The following PCDH11X variants were observed in gnomAD, a reference collection of about 807,000 sequenced individuals.
The protein encoded by PCDH11X is protocadherin-11 X-linked.
In PCDH11X, 18 loss-of-function variants were observed where a neutral mutation model predicts 53.3. The ratio of observed to expected loss-of-function variants is 0.34; its 90% confidence interval spans 0.23 to 0.50. PCDH11X has a LOEUF of 0.50. Ranked by LOEUF, PCDH11X falls within the 20% of genes least tolerant of loss-of-function variation. The probability of loss-of-function intolerance (pLI) is 0.98; values close to 1 mark genes in which losing one functional copy is unlikely to be tolerated. For missense variants in PCDH11X, 570 were observed against 1,032.4 expected, an observed-to-expected ratio of 0.55 and a Z score of 6.14; for synonymous variants, 279 against 393.3, an observed-to-expected ratio of 0.71 and a Z score of 3.44.
At chrX:92,268,372 A>G (rs1344910977) in intron 8 of PCDH11X, among the ~76,000 whole-genome samples, 1 of 110,083 alleles carries the variant, frequency 9.1e-6, no homozygotes, top group Non-Finnish European at 1.9e-5. Context: ...GCTCACTGCA[A>G]CCTCTGCCTC....
chrX:92,043,757 T>C (rs1443361221), intron 6 of PCDH11X, among the ~76,000 whole-genome samples: 1 of 109,651 alleles, frequency 9.1e-6, no homozygotes, highest in Non-Finnish European at 1.9e-5. Flanking sequence ...AATCCTAATA[T>C]AAAATTTTAA....
chrX:91,903,647 C>T (rs924812394), intron 6 of PCDH11X, among the ~76,000 whole-genome samples: 48 of 81,702 alleles, frequency 5.9e-4, no homozygotes, highest in African/African-American at 2.3e-3. Context: ...GCTCAGGTTC[C>T]TCTATGTGCG....
chrX:91,793,400 T>C (rs1229615780), intron 1 of PCDH11X, among the ~76,000 whole-genome samples: 1 of 110,803 alleles, frequency 9.0e-6, no homozygotes, highest in Non-Finnish European at 1.9e-5. Context: ...TTTAAATTTG[T>C]ACTACAAAGT....
At chrX:92,232,946 A>T (rs908887560) in intron 7 of PCDH11X, among the ~76,000 whole-genome samples, 1 of 110,271 alleles carries the variant, frequency 9.1e-6, no homozygotes, top group Non-Finnish European at 1.9e-5. Flanking sequence ...CCATCTCCCG[A>T]CCTCCTGATC....
intron 6 of PCDH11X, among the ~76,000 whole-genome samples, chrX:92,178,918 T>G (rs2065951667): frequency 8.9e-6 from 1 of 112,197 alleles, no homozygotes; most frequent in Non-Finnish European, 1.9e-5. Context: ...GACAAGGACA[T>G]TATTCACTGT....
At position 92,401,800 on chromosome X, in the gene PCDH11X, T is replaced by C. The variant is rs766240000; in HGVS notation, c.3343+13867T>C. On this transcript the variant is annotated intron_variant, in intron 9 of 10. Transcript: ENST00000682573. ...ACATGAGGGTTCTGGAAGCAATAAT[T>C]TGAAGTTTTGAAAAATTACTATGGA... 2.7e-5 allele frequency among the ~76,000 whole-genome samples: 3 copies of C among 112,256 alleles called. No individual in the cohort carries two copies. In the East Asian group the frequency reaches 8.4e-4, roughly 31 times the overall value.
chrX:92,506,449 G>T (rs749879634), intron 10 of PCDH11X, among the ~76,000 whole-genome samples: 1 of 99,729 alleles, frequency 1.0e-5, no homozygotes. Context: ...TAATATGAAG[G>T]GATGTTTAAT....
rs2065213376 is a variant in PCDH11X, at chrX:92,143,046, G to A, written c.3034-58329G>A. Among the ~76,000 whole-genome samples, 3 of 111,549 alleles carry A rather than the reference G, an allele frequency of 2.7e-5. No individual in the cohort carries two copies. The South Asian group carries it at 1.1e-3, about 42-fold the overall frequency. On this transcript the variant is annotated intron_variant, in intron 6 of 10. Transcript: ENST00000682573. ...AATCCTAGCATTTTGGGAGGCTAAG[G>A]TGGGAGGATTGCTTTGGCCCAGAAG...
chrX:92,268,011 G>A (rs1287556542), intron 8 of PCDH11X, among the ~76,000 whole-genome samples: 1 of 111,927 alleles, frequency 8.9e-6, no homozygotes, highest in Admixed American at 9.4e-5. Context: ...TGTGAATTTG[G>A]GGATTACATT....
chrX:91,835,651 G>A lies in PCDH11X; in HGVS notation c.147G>A (p.Leu49=), dbSNP rs745929217. ...GCGACTTGTTGAAAGACCTTAACTTGTCGCTGATTCCAAACAAGTCCTTGA... is the reference window on the plus strand; with the variant it reads ...GCGACTTGTTGAAAGACCTTAACTTATCGCTGATTCCAAACAAGTCCTTGA... The part of the protein sequence containing the change: ...LIGDLLKDLN[L]SLIPNKSLTT... The change falls in exon 5 of 11, where the codon TTG becomes TTA. Residue 49 remains leucine, a synonymous_variant. Transcript: ENST00000682573. The A allele has an allele frequency of 1.2e-5, 14 of 1,208,911 alleles. No individual in the cohort carries two copies. Among genetic ancestry groups the A allele is most frequent in the Non-Finnish European group, 1.6e-5 (14 of 895,093 alleles).
At chrX:92,126,181 G>T (rs2064858184) in intron 6 of PCDH11X, among the ~76,000 whole-genome samples, 1 of 111,306 alleles carries the variant, frequency 9.0e-6, no homozygotes, top group East Asian at 2.8e-4. Flanking sequence ...TTTCTGATTA[G>T]TTCAAGACAG....
rs772622374 is a variant in PCDH11X at position 92,064,716 on chromosome X, G to A, written c.3034-136659G>A. On this transcript the variant is annotated intron_variant, in intron 6 of 10. Transcript: ENST00000682573. ...AAACTTATTAGTTCTAAATTGGACA[G>A]TGCAATAAATTTTTTGTTGTTTTTT... 4.5e-5 allele frequency among the ~76,000 whole-genome samples: 5 copies of A among 109,902 alleles called. No individual in the cohort carries two copies. In the East Asian group the frequency reaches 1.4e-3, roughly 32 times the overall value.
chrX:92,467,137 A>T (rs1346211702), intron 9 of PCDH11X, among the ~76,000 whole-genome samples: 2 of 111,149 alleles, frequency 1.8e-5, no homozygotes, highest in Non-Finnish European at 3.8e-5. Flanking sequence ...GCACTATTTT[A>T]AAAAAATTTT....
chrX:92,422,366 G>T (rs12844774), intron 9 of PCDH11X, among the ~76,000 whole-genome samples: 1 of 109,410 alleles, frequency 9.1e-6, no homozygotes, highest in Admixed American at 9.8e-5. Flanking sequence ...TTATGCCTTT[G>T]CATCCTCATA....
intron 1 of PCDH11X, among the ~76,000 whole-genome samples, chrX:91,789,312 T>C (rs1214232686): frequency 2.1e-5 from 2 of 97,443 alleles, no homozygotes; most frequent in Non-Finnish European, 4.1e-5. Context: ...TTCCAAAACA[T>C]GAATACATTA....
chrX:91,908,349 A>T (rs2059557419), intron 6 of PCDH11X, among the ~76,000 whole-genome samples: 1 of 112,239 alleles, frequency 8.9e-6, no homozygotes, highest in Non-Finnish European at 1.9e-5. Flanking sequence ...AAACAACGCC[A>T]TAAAAAAAGT....
intron 6 of PCDH11X, among the ~76,000 whole-genome samples, chrX:92,144,686 C>T (rs1056969274): frequency 1.2e-4 from 13 of 110,517 alleles, no homozygotes; most frequent in African/African-American, 4.3e-4. Flanking sequence ...TCCTGTATGG[C>T]CAGCTATCCT....
intron 6 of PCDH11X, among the ~76,000 whole-genome samples, chrX:91,925,354 C>T (rs1941909720): frequency 9.0e-6 from 1 of 111,055 alleles, no homozygotes; most frequent in Non-Finnish European, 1.9e-5. Context: ...AGTACGGTTT[C>T]TACTGAATGT....
intron 6 of PCDH11X, among the ~76,000 whole-genome samples, chrX:92,012,302 C>T (rs1353072449): frequency 9.3e-6 from 1 of 108,074 alleles, no homozygotes; most frequent in African/African-American, 3.4e-5. Context: ...AGACCTCTTA[C>T]TAGATAAATT....
Sources: gnomAD v4.1 joint callset for allele counts (sites outside exome capture counted in the v4.1 genomes callset) on GRCh38, gnomAD v4.1.1 for gene constraint, MANE v1.5 for transcripts, NCBI Gene and HGNC (gene_info 2026-07-23, HGNC 2026-07-21) for gene names.